Variants in SNX29 observed in about 807,000 individuals in gnomAD.
SNX29 encodes sorting nexin-29.
A neutral mutation model predicts 102.1 loss-of-function variants in SNX29; 78 were observed. That is an observed-to-expected ratio of 0.76 (90% CI 0.64 to 0.92). SNX29 has a LOEUF of 0.92. SNX29 is among the 40% of genes least tolerant of loss of function. The pLI is 0.00. For synonymous variants in SNX29, 580 were observed against 414.5 expected, an observed-to-expected ratio of 1.40 and a Z score of -4.85; for missense variants, 1,280 against 1,061.7, an observed-to-expected ratio of 1.21 and a Z score of -2.86.
intron 18 of SNX29, among the ~76,000 whole-genome samples, chr16:12,459,366 G>T (rs972374956): frequency 6.6e-6 from 1 of 151,952 alleles, no homozygotes; most frequent in African/African-American, 2.4e-5. Flanking sequence ...ACACCCTCAC[G>T]GTGGTGCATG....
chr16:12,006,892 T>G (rs1373878203), intron 3 of SNX29, among the ~76,000 whole-genome samples: 1 of 152,224 alleles, frequency 6.6e-6, no homozygotes, highest in Non-Finnish European at 1.5e-5. Flanking sequence ...GTGTTGGTAT[T>G]ACAGGTATGA....
At chr16:12,557,541 C>T (rs762810149) in intron 20 of SNX29, 3 of 152,108 alleles carry the variant, frequency 2.0e-5, no homozygotes, top group Admixed American at 1.3e-4. Context: ...TTTGCATTTT[C>T]AGTAGAGACA....
At chr16:12,087,969 C>A in intron 11 of SNX29, 1 of 456,704 alleles carries the variant, frequency 2.2e-6, no homozygotes, top group Non-Finnish European at 4.4e-6. Flanking sequence ...AGTGGGTCCT[C>A]ATGGCTAGAC....
At chr16:12,033,554 A>T (rs2057398054) in intron 4 of SNX29, among the ~76,000 whole-genome samples, 1 of 151,408 alleles carries the variant, frequency 6.6e-6, no homozygotes, top group Non-Finnish European at 1.5e-5. Flanking sequence ...CCCCTCCTAT[A>T]GTCCTGAGTT....
At chr16:12,387,245 C>T (rs1342020132) in intron 16 of SNX29, among the ~76,000 whole-genome samples, 9 of 152,148 alleles carry the variant, frequency 5.9e-5, no homozygotes, top group African/African-American at 7.2e-5. Context: ...AGCAGGACTG[C>T]GGCAGTCCTC....
intron 18 of SNX29, among the ~76,000 whole-genome samples, chr16:12,464,966 A>G (rs139655827): frequency 5.3e-5 from 8 of 152,266 alleles, no homozygotes; most frequent in Admixed American, 2.6e-4. Context: ...GTGGTATCTC[A>G]TTGTGGTTCC....
At chr16:12,180,608 C>T (rs1053984798) in intron 13 of SNX29, among the ~76,000 whole-genome samples, 7 of 152,124 alleles carry the variant, frequency 4.6e-5, no homozygotes, top group Middle Eastern at 3.4e-3. Flanking sequence ...CTCAGCCTCC[C>T]GAGTAGCTGG....
At chr16:12,195,198 G>A (rs2076743875) in intron 13 of SNX29, among the ~76,000 whole-genome samples, 1 of 152,004 alleles carries the variant, frequency 6.6e-6, no homozygotes. Context: ...TCATCCCTGG[G>A]GATAAACATA....
At chr16:12,105,909 C>T (rs1157948515) in intron 11 of SNX29, among the ~76,000 whole-genome samples, 1 of 152,086 alleles carries the variant, frequency 6.6e-6, no homozygotes, top group Non-Finnish European at 1.5e-5. Context: ...TATTTACCAG[C>T]GAGCTCAGCG....
chr16:12,451,562 T>C (rs1056184688), intron 18 of SNX29, among the ~76,000 whole-genome samples: 21 of 152,216 alleles, frequency 1.4e-4, no homozygotes, highest in African/African-American at 4.6e-4. Flanking sequence ...ATGCACTGGT[T>C]GCATTCAAGA....
At chr16:12,566,266 C>T (rs1055835500) in intron 20 of SNX29, among the ~76,000 whole-genome samples, 1 of 152,212 alleles carries the variant, frequency 6.6e-6, no homozygotes, top group Non-Finnish European at 1.5e-5. Flanking sequence ...GGTCAGACAG[C>T]ACTGCCCACA....
At chr16:12,019,213 T>C (rs1241373824) in intron 3 of SNX29, among the ~76,000 whole-genome samples, 1 of 152,146 alleles carries the variant, frequency 6.6e-6, no homozygotes, top group Non-Finnish European at 1.5e-5. Context: ...CCAGTAATGC[T>C]TTTTGTTTTT....
intron 20 of SNX29, among the ~76,000 whole-genome samples, chr16:12,556,831 C>T (rs1178700527): frequency 6.6e-6 from 1 of 151,920 alleles, no homozygotes; most frequent in Admixed American, 6.6e-5. Flanking sequence ...AGAGGAGGAA[C>T]AGAAGTTTGA....
chr16:12,012,806 C>G (rs1555518598), intron 3 of SNX29, among the ~76,000 whole-genome samples: 3 of 152,022 alleles, frequency 2.0e-5, no homozygotes, highest in Non-Finnish European at 2.9e-5. Flanking sequence ...GGTGGAATTC[C>G]AAGGCACTGT....
intron 20 of SNX29, among the ~76,000 whole-genome samples, chr16:12,533,175 G>A (rs564110104): frequency 6.6e-6 from 1 of 152,338 alleles, no homozygotes; most frequent in South Asian, 2.1e-4. Context: ...TGAACAAACT[G>A]GATTCTGGAA....
intron 11 of SNX29, among the ~76,000 whole-genome samples, chr16:12,114,671 C>T (rs2053623717): frequency 6.6e-6 from 1 of 151,926 alleles, no homozygotes; most frequent in Non-Finnish European, 1.5e-5. Flanking sequence ...ACTGCAACCT[C>T]CGCCTCCTGG....
chr16:12,082,947 C>T (rs2051980680), intron 11 of SNX29, among the ~76,000 whole-genome samples: 1 of 152,076 alleles, frequency 6.6e-6, no homozygotes, highest in Non-Finnish European at 1.5e-5. Context: ...GTCTGGGTGT[C>T]CGGGGTATTT....
chr16:12,257,307 C>T (rs540083224), intron 14 of SNX29, among the ~76,000 whole-genome samples: 14 of 152,264 alleles, frequency 9.2e-5, no homozygotes, highest in East Asian at 7.7e-4. Context: ...CTTCTGCTTT[C>T]GACTGGAGGG....
At chr16:12,287,229 A>G (rs1017515583) in intron 15 of SNX29, among the ~76,000 whole-genome samples, 4 of 152,166 alleles carry the variant, frequency 2.6e-5, no homozygotes, top group African/African-American at 9.7e-5. Context: ...GGATTTGGAG[A>G]TGAGGAGGTG....
Sources: gnomAD v4.1 joint callset for allele counts (sites outside exome capture counted in the v4.1 genomes callset) on GRCh38, gnomAD v4.1.1 for gene constraint, MANE v1.5 for transcripts, NCBI Gene and HGNC (gene_info 2026-07-23, HGNC 2026-07-21) for gene names.